PLXNA4: variants seen among roughly 807,000 people sequenced by gnomAD.
The protein encoded by PLXNA4 is plexin-A4.
Under a neutral mutation model 191.8 loss-of-function variants are expected in PLXNA4, and 44 were observed. The observed-to-expected ratio is 0.23, with a 90% CI of 0.18 to 0.29. PLXNA4 has a LOEUF of 0.29. Ranked by LOEUF, PLXNA4 falls within the 10% of genes least tolerant of loss-of-function variation. PLXNA4 has a pLI of 1.00. For missense variants in PLXNA4, 1,800 were observed against 2,488.8 expected (o/e 0.72, Z 5.89); for synonymous variants, 1,082 against 1,009.5 (o/e 1.07, Z -1.36).
At chr7:132,374,509 AT>A (rs1804577502) in intron 3 of PLXNA4, among the ~76,000 whole-genome samples, 1 of 152,170 alleles carries the variant, frequency 6.6e-6, no homozygotes, top group African/African-American at 2.4e-5. Flanking sequence ...GCAGCTGGTA[AT>A]TAGAAGCTAC....
intron 4 of PLXNA4, among the ~76,000 whole-genome samples, chr7:132,242,997 T>G (rs1282346371): frequency 6.6e-6 from 1 of 152,190 alleles, no homozygotes; most frequent in Admixed American, 6.5e-5. Context: ...TAGTAATTCA[T>G]GAGTGGTAAT....
intron 1 of PLXNA4, among the ~76,000 whole-genome samples, chr7:132,569,420 A>G (rs1284666489): frequency 6.6e-6 from 1 of 152,256 alleles, no homozygotes; most frequent in Admixed American, 6.5e-5. Context: ...TGAAGGACAG[A>G]CAGGCAGGGG....
chr7:132,187,743 G>A, intron 14 of PLXNA4, 136 bp from the exon 15 acceptor site: 1 of 1,428,716 alleles, frequency 7.0e-7, no homozygotes, highest in South Asian at 1.5e-5. Context: ...AGAGAACCAG[G>A]GCAGTTCTCT....
chr7:132,442,641 T>C (rs1795740307), intron 3 of PLXNA4, among the ~76,000 whole-genome samples: 1 of 152,172 alleles, frequency 6.6e-6, no homozygotes, highest in African/African-American at 2.4e-5. Flanking sequence ...CTCCGCAAAC[T>C]TCCCCACTTA....
intron 2 of PLXNA4, among the ~76,000 whole-genome samples, chr7:132,503,844 T>A (rs1028254213): frequency 6.6e-6 from 1 of 152,114 alleles, no homozygotes; most frequent in Non-Finnish European, 1.5e-5. Flanking sequence ...CCTCATGAGA[T>A]CCTCAGAGTT....
intron 2 of PLXNA4, among the ~76,000 whole-genome samples, chr7:132,492,330 G>A (rs1797841188): frequency 6.6e-6 from 1 of 152,126 alleles, no homozygotes; most frequent in Non-Finnish European, 1.5e-5. Context: ...CCTTGGCTGG[G>A]CACGACAGAA....
chr7:132,551,264 C>T (rs1046787796), intron 1 of PLXNA4, among the ~76,000 whole-genome samples: 7 of 152,234 alleles, frequency 4.6e-5, no homozygotes, highest in Middle Eastern at 6.8e-3. Flanking sequence ...TACAGAAGAG[C>T]CAGTGGGAAA....
chr7:132,348,379 G>A (rs1803336223), intron 3 of PLXNA4, among the ~76,000 whole-genome samples: 1 of 152,184 alleles, frequency 6.6e-6, no homozygotes. Context: ...GTATGCTTGA[G>A]GGAAGTCCAG....
intron 3 of PLXNA4, among the ~76,000 whole-genome samples, chr7:132,466,678 G>T (rs1796718272): frequency 6.6e-6 from 1 of 152,180 alleles, no homozygotes; most frequent in Non-Finnish European, 1.5e-5. Flanking sequence ...CACCCCCACA[G>T]CAATTCTCTT....
chr7:132,572,470 G>A (rs529073124), intron 1 of PLXNA4, among the ~76,000 whole-genome samples: 1 of 152,356 alleles, frequency 6.6e-6, no homozygotes, highest in South Asian at 2.1e-4. Flanking sequence ...GACCGGACAA[G>A]TGTGTGGGGG....
At chr7:132,169,005 C>T (rs528418610) in intron 21 of PLXNA4, among the ~76,000 whole-genome samples, 3 of 152,222 alleles carry the variant, frequency 2.0e-5, no homozygotes, top group South Asian at 2.1e-4. Flanking sequence ...CTAATGCCCA[C>T]CCCTCTCCAG....
Position 132,124,346 on chromosome 7 carries a change from T to A in PLXNA4, c.*6133A>T, listed in dbSNP as rs887253652. 1.3e-5 allele frequency: 2 copies of A among 152,200 alleles called. No homozygotes were observed. The highest frequency in any genetic ancestry group is 4.8e-5 in the African/African-American group (2 of 41,448). The allele number at this position is 152,200 out of a possible 1,614,324, so 9.4% of individuals were successfully genotyped here. Reference sequence around the variant, plus strand: ...GATGAGCACGTGTATCCCATCTTCGTCCTGTGCCTGGATTGCGGCTGACTT... The same window carrying A: ...GATGAGCACGTGTATCCCATCTTCGACCTGTGCCTGGATTGCGGCTGACTT... On this transcript the variant is annotated 3_prime_UTR_variant, in exon 32 of 32. Transcript: ENST00000321063.
chr7:132,134,104 G>C (rs747364840), intron 30 of PLXNA4, among the ~76,000 whole-genome samples: 19 of 152,182 alleles, frequency 1.2e-4, no homozygotes, highest in Admixed American at 2.6e-4. Flanking sequence ...GCAGGGACTA[G>C]GGTGCATGAA....
At chr7:132,413,600 ATG>A (rs1794548174) in intron 3 of PLXNA4, among the ~76,000 whole-genome samples, 1 of 152,198 alleles carries the variant, frequency 6.6e-6, no homozygotes, top group South Asian at 2.1e-4. Flanking sequence ...AAGCAATTCA[ATG>A]GTGCCTTACA....
At chr7:132,541,081 C>T (rs1800059407) in intron 1 of PLXNA4, among the ~76,000 whole-genome samples, 1 of 152,144 alleles carries the variant, frequency 6.6e-6, no homozygotes, top group African/African-American at 2.4e-5. Context: ...AAGTGCCAGA[C>T]AGAGAGCCAG....
intron 3 of PLXNA4, among the ~76,000 whole-genome samples, chr7:132,447,777 C>T (rs1229773594): frequency 6.6e-6 from 1 of 151,080 alleles, no homozygotes; most frequent in African/African-American, 2.4e-5. Context: ...CACTTGAGTA[C>T]AGAAGTTTAA....
chr7:132,584,112 G>T (rs1802461929), intron 2 of PLXNA4, among the ~76,000 whole-genome samples: 1 of 152,188 alleles, frequency 6.6e-6, no homozygotes. Context: ...GGTCAGCCCA[G>T]GCCTGCCCAG....
At chr7:132,551,519 C>T (rs1462396170) in intron 1 of PLXNA4, among the ~76,000 whole-genome samples, 1 of 152,172 alleles carries the variant, frequency 6.6e-6, no homozygotes, top group Non-Finnish European at 1.5e-5. Flanking sequence ...TGTCCTACAG[C>T]CAGAGTAGTG....
At chr7:132,349,446 A>AG (rs982261587) in intron 3 of PLXNA4, among the ~76,000 whole-genome samples, 2 of 152,154 alleles carry the variant, frequency 1.3e-5, no homozygotes, top group Admixed American at 6.5e-5. Flanking sequence ...AGGGCTACCA[A>AG]GGGGGGCCAC....
Sources: allele counts gnomAD v4.1 joint callset (sites outside exome capture counted in the v4.1 genomes callset), GRCh38; gene constraint gnomAD v4.1.1; transcripts MANE v1.5; gene names NCBI Gene and HGNC (gene_info 2026-07-23, HGNC 2026-07-21).